Variants in CFLAR observed in about 807,000 individuals in gnomAD.
The protein encoded by CFLAR is CASP8 and FADD like apoptosis regulator, also known as CASP8 and FADD-like apoptosis regulator.
In CFLAR, 14 loss-of-function variants were observed where a neutral mutation model predicts 51.1. The observed-to-expected ratio is 0.27, with a 90% CI of 0.18 to 0.43. The LOEUF (loss-of-function observed/expected upper bound fraction) is 0.43, where lower values mean the gene tolerates loss of function less well. CFLAR is among the 20% of genes least tolerant of loss of function. The pLI is 1.00. For missense variants in CFLAR, 390 were observed against 566.5 expected (o/e 0.69, Z 3.16); for synonymous variants, 210 against 211.6 (o/e 0.99, Z 0.06).
At chr2:201,144,668 C>G (rs1486227269) in intron 5 of CFLAR, among the ~76,000 whole-genome samples, 6 of 152,118 alleles carry the variant, frequency 3.9e-5, no homozygotes, top group Non-Finnish European at 1.5e-5. Flanking sequence ...AGAAATCCGA[C>G]TCTTAACCAT....
At chr2:201,163,034 A>C in intron 9 of CFLAR, 1 of 757,866 alleles carries the variant, frequency 1.3e-6, no homozygotes, top group South Asian at 1.4e-5. Context: ...GAGTCAAAGG[A>C]CATGCATTTT....
chr2:201,142,555 G>A (rs944938085), intron 5 of CFLAR: 3 of 152,122 alleles, frequency 2.0e-5, no homozygotes, highest in Non-Finnish European at 4.4e-5. Context: ...ACTGCACTGT[G>A]ATGTATATAA....
At chr2:201,137,434 C>A in intron 4 of CFLAR, 1 of 471,894 alleles carries the variant, frequency 2.1e-6, no homozygotes, top group South Asian at 2.0e-5. Context: ...ATCTGTGGAC[C>A]ACTCAGTTAT....
chr2:201,128,631 G>C (rs1559179162), intron 1 of CFLAR, among the ~76,000 whole-genome samples: 1 of 152,114 alleles, frequency 6.6e-6, no homozygotes, highest in Non-Finnish European at 1.5e-5. Flanking sequence ...ACTAAATACA[G>C]CTAGATAAAT....
intron 8 of CFLAR, chr2:201,150,417 G>A (rs1941081471): frequency 6.6e-6 from 1 of 152,220 alleles, no homozygotes; most frequent in African/African-American, 2.4e-5. Context: ...GATCACTTGA[G>A]CCCAAGGAGG....
chr2:201,148,934 T>C (rs974544572), intron 6 of CFLAR, 69 bp from the exon 7 acceptor site: 6 of 1,003,558 alleles, frequency 6.0e-6, no homozygotes, highest in Admixed American at 3.5e-5. Flanking sequence ...ACAAAGAAAC[T>C]CAGCCAGTGT....
chr2:201,160,949 C>A lies in CFLAR; in HGVS notation c.1304+7C>A. 1 of 1,605,676 alleles carries A rather than the reference C, an allele frequency of 6.2e-7. No homozygotes were observed. Among genetic ancestry groups the A allele is most frequent in the East Asian group, 2.2e-5 (1 of 44,754 alleles). On this transcript the variant is annotated splice_region_variant and intron_variant, in intron 9 of 9. Transcript: ENST00000309955. ...AGAAACTGAGACAAGAAAGGTGAGC[C>A]CCCAGGAGGTGGTCAGTTCCGGACC...
intron 9 of CFLAR, among the ~76,000 whole-genome samples, chr2:201,161,217 T>C (rs961000612): frequency 6.6e-6 from 1 of 152,070 alleles, no homozygotes; most frequent in Admixed American, 6.6e-5. Context: ...TAAACATTTT[T>C]AAAATTAGTT....
At chr2:201,125,109 A>G (rs1224032177) in intron 1 of CFLAR, among the ~76,000 whole-genome samples, 1 of 152,236 alleles carries the variant, frequency 6.6e-6, no homozygotes, top group Non-Finnish European at 1.5e-5. Context: ...AAAAACAGAC[A>G]TAAATGCAAA....
intron 5 of CFLAR, chr2:201,141,522 G>A: frequency 2.1e-6 from 3 of 1,403,842 alleles, no homozygotes; most frequent in Non-Finnish European, 2.8e-6. Flanking sequence ...GCCCTTTCTT[G>A]TTGCTGTATG....
rs1346511471 is a variant in CFLAR at position 201,148,093 on chromosome 2, A to G, written c.662-910A>G. On this transcript the variant is annotated intron_variant, in intron 6 of 9. Transcript: ENST00000309955. ...TCTGTTAATATATAATTGCTAAAAT[A>G]CAAAAAATATAAAATGAAATTTCCT... Among the ~76,000 whole-genome samples, 4 of 152,290 alleles carry G rather than the reference A, an allele frequency of 2.6e-5. 1 individual carries two copies. The highest frequency in any genetic ancestry group is 9.6e-5 in the African/African-American group (4 of 41,568).
intron 8 of CFLAR, among the ~76,000 whole-genome samples, chr2:201,153,908 T>C (rs1039164504): frequency 2.7e-4 from 37 of 136,878 alleles, no homozygotes; most frequent in East Asian, 1.2e-3. Context: ...TCTTTCTTTT[T>C]TTTTTTTTTT....
intron 6 of CFLAR, 89 bp from the exon 7 acceptor site, chr2:201,148,914 C>T: frequency 2.4e-6 from 2 of 842,594 alleles, no homozygotes; most frequent in African/African-American, 1.7e-5. Context: ...GAAGGGAGAA[C>T]AGTTGTTATA....
At chr2:201,128,238 A>G (rs1333575884) in intron 1 of CFLAR, among the ~76,000 whole-genome samples, 5 of 152,186 alleles carry the variant, frequency 3.3e-5, no homozygotes, top group African/African-American at 4.8e-5. Flanking sequence ...CCTCCTTTTC[A>G]TGGAAGCTGA....
At position 201,175,767 on chromosome 2, in the gene CFLAR, A is replaced by C. The variant is rs1178257936; in HGVS notation, c.*11794A>C. 2.0e-5 allele frequency: 3 copies of C among 152,120 alleles called. No individual in the cohort carries two copies. The highest frequency in any genetic ancestry group is 2.9e-5 in the Non-Finnish European group (2 of 68,068). 9.4% of individuals were successfully genotyped at this position (152,120 alleles called of 1,614,324 possible). ...AGAATTTGACTGAGGGGCATAAGGC[A>C]GAAGGAGGGACCGAGGCAAGTTTCA... On this transcript the variant is annotated 3_prime_UTR_variant, in exon 10 of 10. Coordinates refer to ENST00000309955, the MANE Select transcript of CFLAR (RefSeq NM_003879.7).
chr2:201,129,370 C>G (rs1384696724), intron 1 of CFLAR: 1 of 171,866 alleles, frequency 5.8e-6, no homozygotes, highest in Non-Finnish European at 1.2e-5. Flanking sequence ...CTTCCTTCTA[C>G]TACGTACTTC....
intron 8 of CFLAR, among the ~76,000 whole-genome samples, chr2:201,157,993 T>C (rs929712179): frequency 3.9e-5 from 6 of 152,250 alleles, no homozygotes; most frequent in Admixed American, 2.6e-4. Context: ...GCTATTCTTA[T>C]TGGCACTTGG....
rs1386707876 is a variant in CFLAR, at chr2:201,116,991, T to A, written c.-138+510T>A. ...GTGTAAACTTTGCTTAAAATGATCT[T>A]GAGAGTTCAATTCTTGGGGTGAACT... On this transcript the variant is annotated intron_variant, in intron 1 of 9. Transcript: ENST00000309955. This position sits in a 1 kb window ranked among gnomAD's most constrained non-coding sequence, Gnocchi z 4.8. The A allele has an allele frequency of 6.6e-6, 1 of 151,934 alleles. No individual in the cohort carries two copies. Among genetic ancestry groups the A allele is most frequent in the Non-Finnish European group, 1.5e-5 (1 of 67,942 alleles). 9.4% of individuals were successfully genotyped at this position (151,934 alleles called of 1,614,324 possible). A position where few individuals can be genotyped will look rare whatever the true frequency, so the allele number is the denominator to read the frequency against.
At chr2:201,131,337 G>A (rs763659812) in intron 2 of CFLAR, among the ~76,000 whole-genome samples, 95 of 152,028 alleles carry the variant, frequency 6.2e-4, no homozygotes, top group Admixed American at 3.6e-3. Context: ...CTGGGTTCAA[G>A]TGATTCTCCT....
Sources: allele counts gnomAD v4.1 joint callset (sites outside exome capture counted in the v4.1 genomes callset), GRCh38; gene constraint gnomAD v4.1.1; non-coding constraint Gnocchi (gnomAD v3.1); transcripts MANE v1.5; gene names NCBI Gene and HGNC (gene_info 2026-07-23, HGNC 2026-07-21).